ZFHX3: variants seen among roughly 807,000 people sequenced by gnomAD.
The protein encoded by ZFHX3 is zinc finger homeobox protein 3.
A neutral mutation model predicts 279.1 loss-of-function variants in ZFHX3; 42 were observed. The observed-to-expected ratio is 0.15, with a 90% CI of 0.12 to 0.19. ZFHX3 has a LOEUF of 0.19. Ranked by LOEUF, ZFHX3 falls within the 10% of genes least tolerant of loss-of-function variation. The probability of loss-of-function intolerance (pLI) is 1.00; values close to 1 mark genes in which losing one functional copy is unlikely to be tolerated. For synonymous variants in ZFHX3, 2,293 were observed against 1,957.8 expected, an observed-to-expected ratio of 1.17 and a Z score of -4.52; for missense variants, 4,981 against 4,754.0, an observed-to-expected ratio of 1.05 and a Z score of -1.40.
chr16:73,237,691 C>A (rs1424323602), intron 5 of ZFHX3, among the ~76,000 whole-genome samples: 1 of 152,012 alleles, frequency 6.6e-6, no homozygotes, highest in African/African-American at 2.4e-5. Flanking sequence ...ATTCTTGATC[C>A]ATGCTCATCC....
intron 3 of ZFHX3, among the ~76,000 whole-genome samples, chr16:73,325,158 A>G (rs2143208375): frequency 6.6e-6 from 1 of 152,264 alleles, no homozygotes; most frequent in Admixed American, 6.5e-5. Flanking sequence ...GGCAAGAGGC[A>G]ATATGGTAGC....
chr16:73,681,330 A>C (rs572753852), intron 1 of ZFHX3, among the ~76,000 whole-genome samples: 1 of 152,334 alleles, frequency 6.6e-6, no homozygotes, highest in East Asian at 1.9e-4. Flanking sequence ...TGATCGTCCA[A>C]AGCGAAGGCA....
chr16:72,788,637 C>A lies in ZFHX3; in HGVS notation c.9639G>T (p.Pro3213=). 6.2e-7 allele frequency: 1 copy of A among 1,613,234 alleles called. No individual in the cohort carries two copies. The highest frequency in any genetic ancestry group is 1.7e-4 in the Middle Eastern group (1 of 6,048). Residue 3213 remains proline, a synonymous_variant, in exon 10 of 10, where the codon CCG becomes CCT. Coordinates refer to ENST00000268489, the MANE Select transcript of ZFHX3 (RefSeq NM_006885.4). ...GTGTGGGTGGCGGCTGGGCTGCTGG[C>A]GGCGGGGGAGGCTGCTGCACCTGTG... ...QQPQVQQPPP[P]PAAQPPPTPQ... is the part of the protein sequence containing the mutation.
At chr16:73,419,457 C>A (rs1448781824) in intron 3 of ZFHX3, among the ~76,000 whole-genome samples, 1 of 152,162 alleles carries the variant, frequency 6.6e-6, no homozygotes, top group African/African-American at 2.4e-5. Context: ...TCTCTCACTG[C>A]CACTAGATCA....
intron 2 of ZFHX3, among the ~76,000 whole-genome samples, chr16:73,633,396 A>G (rs1255939449): frequency 6.6e-6 from 1 of 152,254 alleles, no homozygotes; most frequent in Admixed American, 6.5e-5. Flanking sequence ...TGTCAGATTA[A>G]TAAATGTGTA....
At chr16:73,138,598 G>A (rs1297233836) in intron 6 of ZFHX3, among the ~76,000 whole-genome samples, 1 of 152,176 alleles carries the variant, frequency 6.6e-6, no homozygotes, top group Non-Finnish European at 1.5e-5. Context: ...CCCCATGGAT[G>A]AGTGGATGTC....
intron 5 of ZFHX3, among the ~76,000 whole-genome samples, chr16:73,206,571 T>C (rs1034980480): frequency 1.3e-5 from 2 of 152,258 alleles, no homozygotes; most frequent in African/African-American, 4.8e-5. Context: ...CAGAGATTCA[T>C]ACTGGCATCT....
intron 5 of ZFHX3, among the ~76,000 whole-genome samples, chr16:72,829,008 T>C (rs948360485): frequency 2.4e-4 from 36 of 151,340 alleles, no homozygotes; most frequent in Middle Eastern, 6.8e-3. Flanking sequence ...TTTTTTTTTT[T>C]TCCCCGAGAT....
rs999587732 is a variant in ZFHX3, at chr16:73,517,541, A to G, written c.-1546-61283T>C. ...TTTCAGTCACCAGGCAAGAAATCTG[A>G]GAGCATCAAATTTATTTGGGAGGAG... On this transcript the variant is annotated intron_variant, in intron 2 of 17. Coordinates refer to the ZFHX3 transcript ENST00000641206. 2.0e-5 allele frequency among the ~76,000 whole-genome samples: 3 copies of G among 152,208 alleles called. No homozygotes were observed. In the East Asian group the frequency reaches 5.8e-4, roughly 29 times the overall value.
At chr16:73,412,179 A>G (rs2017481763) in intron 3 of ZFHX3, among the ~76,000 whole-genome samples, 1 of 152,048 alleles carries the variant, frequency 6.6e-6, no homozygotes, top group Non-Finnish European at 1.5e-5. Flanking sequence ...TGCAAAAATT[A>G]GCCGGACATA....
At position 73,103,322 on chromosome 16, in the gene ZFHX3, C is replaced by T. The variant is rs748079924; in HGVS notation, c.-896-9724G>A. Among the ~76,000 whole-genome samples, 19 of 152,060 alleles carry T rather than the reference C, an allele frequency of 1.2e-4. 1 individual carries two copies. Among genetic ancestry groups the T allele is most frequent in the Admixed American group, 2.6e-4 (4 of 15,246 alleles). Reference sequence around the variant, plus strand: ...TCTCAGGTTCCCAGCCTTGTCTCCCCGCCTCACTCATGTACCCCAACCTTG... The same window carrying T: ...TCTCAGGTTCCCAGCCTTGTCTCCCTGCCTCACTCATGTACCCCAACCTTG... On this transcript the variant is annotated intron_variant, in intron 7 of 17. Coordinates refer to the ZFHX3 transcript ENST00000641206.
intron 3 of ZFHX3, among the ~76,000 whole-genome samples, chr16:72,897,653 C>G (rs1288609840): frequency 6.6e-6 from 1 of 152,110 alleles, no homozygotes; most frequent in African/African-American, 2.4e-5. Context: ...TTTGCCCAGG[C>G]TGGTCTCAAA....
chr16:73,060,894 T>C (rs1386337077), upstream of ZFHX3: 1 of 152,218 alleles, frequency 6.6e-6, no homozygotes, highest in Non-Finnish European at 1.5e-5. Flanking sequence ...TGAGAGATTT[T>C]CCAATGCTCT....
rs147882602 is a variant in ZFHX3 at position 72,833,082 on chromosome 16, A to G, written c.3449-3223T>C. On this transcript the variant is annotated intron_variant, in intron 4 of 9. Coordinates refer to ENST00000268489, the MANE Select transcript of ZFHX3 (RefSeq NM_006885.4). ...CTCAGGCCCACGATGCTTTGCAGGCAGGGTGTGTTTTATTGGTTCCGAAAG... is the reference window on the plus strand; with the variant it reads ...CTCAGGCCCACGATGCTTTGCAGGCGGGGTGTGTTTTATTGGTTCCGAAAG... Among the ~76,000 whole-genome samples, 316 of 152,362 alleles carry G rather than the reference A, an allele frequency of 2.1e-3. 5 individuals carry two copies. The highest frequency in any genetic ancestry group is 9.1e-3 in the Admixed American group (140 of 15,304).
At chr16:73,165,930 T>C (rs1432515603) in intron 5 of ZFHX3, among the ~76,000 whole-genome samples, 3 of 152,296 alleles carry the variant, frequency 2.0e-5, no homozygotes, top group Non-Finnish European at 4.4e-5. Flanking sequence ...CAATTCAGAA[T>C]GCCTGGAATA....
intron 5 of ZFHX3, among the ~76,000 whole-genome samples, chr16:73,156,291 C>T (rs1243964231): frequency 1.3e-5 from 2 of 148,570 alleles, no homozygotes; most frequent in Non-Finnish European, 3.0e-5. Context: ...ACACAAAAGT[C>T]AGGCTTATTA....
chr16:72,902,606 C>G (rs2039066740), intron 3 of ZFHX3, among the ~76,000 whole-genome samples: 1 of 152,248 alleles, frequency 6.6e-6, no homozygotes, highest in South Asian at 2.1e-4. Context: ...ACTTTTCCCT[C>G]CTTTTCCTGC....
intron 2 of ZFHX3, among the ~76,000 whole-genome samples, chr16:73,458,815 T>A (rs2018422754): frequency 6.6e-6 from 1 of 152,260 alleles, no homozygotes; most frequent in South Asian, 2.1e-4. Context: ...TTCCCTGTTT[T>A]AAATAATTAA....
Position 73,170,877 on chromosome 16 carries a change from G to A in ZFHX3, c.-1103-27046C>T, listed in dbSNP as rs151047126. Among the ~76,000 whole-genome samples the A allele has an allele frequency of 2.5e-3, 379 of 152,242 alleles. 2 individuals carry two copies. The highest frequency in any genetic ancestry group is 8.8e-3 in the African/African-American group (366 of 41,542). On this transcript the variant is annotated intron_variant, in intron 5 of 17. Coordinates refer to the ZFHX3 transcript ENST00000641206. The stretch of plus-strand genomic sequence containing the variant: ...GGGACAAGTGCCCTCATGTGCCCCA[G>A]CTGTCCCCAGGCTTGTGGAAGAGGG...
Sources: allele counts gnomAD v4.1 joint callset (sites outside exome capture counted in the v4.1 genomes callset), GRCh38; gene constraint gnomAD v4.1.1; transcripts MANE v1.5; gene names NCBI Gene and HGNC (gene_info 2026-07-23, HGNC 2026-07-21).